BLM: variants seen among roughly 807,000 people sequenced by gnomAD.
The protein encoded by BLM is recQ-like DNA helicase BLM.
A neutral mutation model predicts 135.3 loss-of-function variants in BLM; 95 were observed. That is an observed-to-expected ratio of 0.70 (90% CI 0.59 to 0.83). BLM has a LOEUF of 0.83. BLM is among the 40% of genes least tolerant of loss of function. The pLI is 0.00. For synonymous variants in BLM, 520 were observed against 589.2 expected (o/e 0.88, Z 1.70); for missense variants, 1,518 against 1,663.9 (o/e 0.91, Z 1.53).
intron 19 of BLM, among the ~76,000 whole-genome samples, chr15:90,806,285 C>T (rs1424090590): frequency 3.9e-5 from 6 of 151,996 alleles, no homozygotes; most frequent in Non-Finnish European, 8.8e-5. Context: ...CTGAGGTGGA[C>T]GGATTGCCTG....
intron 14 of BLM, among the ~76,000 whole-genome samples, chr15:90,787,305 G>A (rs368220299): frequency 2.0e-5 from 3 of 151,648 alleles, no homozygotes; most frequent in African/African-American, 4.8e-5. Context: ...CGCCCGCCTC[G>A]GCCTCCCAAA....
At chr15:90,806,395 C>T (rs773910565) in intron 19 of BLM, among the ~76,000 whole-genome samples, 42 of 151,828 alleles carry the variant, frequency 2.8e-4, no homozygotes, top group Admixed American at 7.2e-4. Flanking sequence ...CTTGTAATCC[C>T]GGCTACTTGG....
chr15:90,804,390 C>T (rs1429369577), intron 19 of BLM, 31 bp downstream of exon 19: 3 of 1,583,798 alleles, frequency 1.9e-6, no homozygotes, highest in Non-Finnish European at 2.6e-6. Flanking sequence ...TGTTACGTGG[C>T]ACAGATTAAT....
At chr15:90,792,636 A>G (rs574453381) in intron 15 of BLM, among the ~76,000 whole-genome samples, 1 of 152,286 alleles carries the variant, frequency 6.6e-6, no homozygotes, top group East Asian at 1.9e-4. Flanking sequence ...TAGTAGTATA[A>G]CAATGGTAAT....
chr15:90,722,297 G>A (rs1471699575), intron 1 of BLM, among the ~76,000 whole-genome samples: 1 of 151,994 alleles, frequency 6.6e-6, no homozygotes, highest in Non-Finnish European at 1.5e-5. Context: ...TTTTAGTAGA[G>A]ACCGGGTTTC....
intron 12 of BLM, among the ~76,000 whole-genome samples, chr15:90,779,160 C>T (rs1160534080): frequency 6.6e-6 from 1 of 152,188 alleles, no homozygotes; most frequent in Non-Finnish European, 1.5e-5. Flanking sequence ...GCTGGAATTA[C>T]AGGCATGAGC....
At chr15:90,738,997 T>C (rs987545162) in intron 1 of BLM, among the ~76,000 whole-genome samples, 1 of 152,216 alleles carries the variant, frequency 6.6e-6, no homozygotes, top group Non-Finnish European at 1.5e-5. Flanking sequence ...CCCATGTTCA[T>C]AACAGCATTA....
At chr15:90,749,272 T>A in intron 2 of BLM, 95 bp from the exon 3 acceptor site, 1 of 849,876 alleles carries the variant, frequency 1.2e-6, no homozygotes, top group Non-Finnish European at 1.8e-6. Context: ...ACAATTAATG[T>A]AACCTGTGTG....
At position 90,815,127 on chromosome 15, in the gene BLM, T is replaced by C. The variant is rs587778104; in HGVS notation, c.4102T>C (p.Ser1368Pro). Residue 1368 changes from serine (S) to proline (P), a missense_variant, in exon 22 of 22, where the codon TCT becomes CCT. Coordinates refer to ENST00000355112, the MANE Select transcript of BLM (RefSeq NM_000057.4). This position sits in a 1 kb window ranked among gnomAD's most constrained non-coding sequence, Gnocchi z 4.6. ...GGGGTCTGCCACATGTAGAAAGATA[T>C]CTTCCAAAACGAAATCCTCCAGCAT... is the stretch of plus-strand genomic sequence containing the variant. The part of the protein sequence containing the change: ...KGGSATCRKI[S>P]SKTKSSSIIG... 7.4e-6 allele frequency: 12 copies of C among 1,614,160 alleles called. No homozygotes were observed. In the South Asian group the frequency reaches 9.9e-5, roughly 13 times the overall value.
At position 90,785,026 on chromosome 15, in the gene BLM, G is replaced by A. The variant is rs1219485932; in HGVS notation, c.2768G>A (p.Ser923Asn). The A allele has an allele frequency of 1.2e-6, 2 of 1,614,164 alleles. No individual in the cohort carries two copies. The highest frequency in any genetic ancestry group is 1.7e-6 in the Non-Finnish European group (2 of 1,180,034). The change falls in exon 14 of 22, where the codon AGT becomes AAT. Residue 923 changes from serine (S) to asparagine (N), a missense_variant. Ser to Asn is a conservative substitution (Grantham distance 46). Around this residue, in one of 5 missense-constraint regions of BLM, gnomAD observed 626 missense variants for 681.1 expected, o/e 0.92. Transcript: ENST00000355112. ...LAALAYHAGL[S>N]DSARDEVQQK... The stretch of plus-strand genomic sequence containing the variant: ...GCTCTTGCTTACCATGCTGGCCTCA[G>A]TGATTCTGCCAGAGATGAAGTGCAG...
intron 20 of BLM, among the ~76,000 whole-genome samples, 176 bp from the exon 21 acceptor site, chr15:90,811,029 T>C (rs1188430034): frequency 2.0e-5 from 3 of 152,186 alleles, no homozygotes; most frequent in African/African-American, 7.2e-5. Flanking sequence ...TTGAACACTT[T>C]GGGGCTTTGT....
In BLM at chr15:90,809,136, GA is replaced by G. The variant is rs1275708646; in HGVS notation, c.3753del (p.Glu1251AspfsTer28). ...FNTVTLKKLA[E>X]SLSSDPEVLL... ...ATTCCTAATTTTATGCCTTTGCACA[GA>G]ATCTTTATCTTCTGATCCTGAGGTT... On this transcript the variant is annotated frameshift_variant and splice_region_variant, in exon 20 of 22. Coordinates refer to ENST00000355112, the MANE Select transcript of BLM (RefSeq NM_000057.4). LOFTEE classifies it high-confidence loss of function. 6.2e-7 allele frequency: 1 copy of G among 1,614,044 alleles called. No individual in the cohort carries two copies. Among genetic ancestry groups the G allele is most frequent in the African/African-American group, 1.3e-5 (1 of 74,924 alleles).
chr15:90,739,527 G>A (rs1161343806), intron 1 of BLM, among the ~76,000 whole-genome samples: 1 of 152,084 alleles, frequency 6.6e-6, no homozygotes, highest in Non-Finnish European at 1.5e-5. Context: ...AGCGAGCTCT[G>A]CACACAGGAA....
intron 12 of BLM, among the ~76,000 whole-genome samples, chr15:90,774,695 G>A (rs957686254): frequency 2.0e-5 from 3 of 151,528 alleles, no homozygotes; most frequent in East Asian, 2.0e-4. Context: ...TTAGCCGGGC[G>A]TGGTGGCATG....
chr15:90,752,835 TAG>T (rs1010089444), intron 4 of BLM, among the ~76,000 whole-genome samples: 50 of 152,320 alleles, frequency 3.3e-4, no homozygotes, highest in African/African-American at 1.1e-3. Flanking sequence ...AAAGTTTATA[TAG>T]AGTCTCAATT....
intron 13 of BLM, 97 bp from the exon 14 acceptor site, chr15:90,784,824 C>G: frequency 3.9e-6 from 5 of 1,283,516 alleles, no homozygotes; most frequent in Non-Finnish European, 4.4e-6. Context: ...TACGGGAGAT[C>G]TATTTATGGT....
In BLM at chr15:90,760,914, A is replaced by G. The variant is rs550463714; in HGVS notation, c.1541A>G (p.Lys514Arg). The change falls in exon 7 of 22, where the codon AAA becomes AGA. Residue 514 changes from lysine (K) to arginine (R), a missense_variant. Physicochemically the swap from Lys to Arg is conservative, Grantham distance 26. This residue lies in a region of BLM where 724 missense variants were observed against 756.9 expected (regional missense o/e 0.96). Transcript: ENST00000355112. ...GCTGAAACACCAAGACTAGGAAAAAAAAATGAAAGCTCTTATTTCCCAGGA... is the reference window on the plus strand; with the variant it reads ...GCTGAAACACCAAGACTAGGAAAAAGAAATGAAAGCTCTTATTTCCCAGGA... Reference protein sequence around the residue: ...NWAETPRLGKKNESSYFPGNV... With the variant: ...NWAETPRLGKRNESSYFPGNV... The G allele has an allele frequency of 7.4e-6, 12 of 1,614,084 alleles. No individual in the cohort carries two copies. In the South Asian group the frequency reaches 1.3e-4, roughly 18 times the overall value.
Position 90,785,961 on chromosome 15 carries a change from A to T in BLM, c.2823+880A>T, listed in dbSNP as rs1172767499. Among the ~76,000 whole-genome samples, 10 of 149,168 alleles carry T rather than the reference A, an allele frequency of 6.7e-5. 1 individual carries two copies. The highest frequency in any genetic ancestry group is 6.7e-4 in the Admixed American group (10 of 14,948). On this transcript the variant is annotated intron_variant, in intron 14 of 21. Transcript: ENST00000355112. ...TATAACACAGTTTGTTTATCTACTC[A>T]TCAGCTGGTTAGACATTTGGCTTGT... is the stretch of plus-strand genomic sequence containing the variant.
At position 90,765,341 on chromosome 15, in the gene BLM, C is replaced by T; in HGVS notation, c.2120C>T (p.Pro707Leu). 2 of 1,613,858 alleles carry T rather than the reference C, an allele frequency of 1.2e-6. No individual in the cohort carries two copies. The highest frequency in any genetic ancestry group is 1.7e-6 in the Non-Finnish European group (2 of 1,179,846). The change falls in exon 9 of 22, where the codon CCT becomes CTT. Residue 707 changes from proline to leucine, a missense_variant. By Grantham distance (98) the Pro-to-Leu change is moderately conservative (BLOSUM62 -3). Transcript: ENST00000355112. ...TACCAGCTCCCTGCCTGTGTTTCTC[C>T]TGGGGTCACTGTTGTCATTTCTCCC... ...LCYQLPACVS[P>L]GVTVVISPLR...
Sources: allele counts gnomAD v4.1 joint callset (sites outside exome capture counted in the v4.1 genomes callset), GRCh38; gene constraint gnomAD v4.1.1; regional missense constraint gnomAD v4.1.1; non-coding constraint Gnocchi (gnomAD v3.1); transcripts MANE v1.5; gene names NCBI Gene and HGNC (gene_info 2026-07-23, HGNC 2026-07-21).